Variants in EVC observed in about 807,000 individuals in gnomAD.
EVC encodes the protein evC complex member EVC.
Under a neutral mutation model 118.9 loss-of-function variants are expected in EVC, and 116 were observed. The ratio of observed to expected loss-of-function variants is 0.98; its 90% CI spans 0.84 to 1.14. The LOEUF is 1.14. EVC is among the 50% of genes most tolerant of loss of function. The pLI is 0.00. For synonymous variants in EVC, 619 were observed against 534.7 expected, an observed-to-expected ratio of 1.16 and a Z score of -2.18; for missense variants, 1,401 against 1,246.4, an observed-to-expected ratio of 1.12 and a Z score of -1.87.
chr4:5,816,392 TC>T (rs1717681726), downstream of EVC, among the ~76,000 whole-genome samples: 1 of 152,152 alleles, frequency 6.6e-6, no homozygotes, highest in Admixed American at 6.5e-5. Context: ...AGGCCACACT[TC>T]CTGCAGGGTG....
At position 5,742,120 on chromosome 4, in the gene EVC, G is replaced by C. The variant is rs1478219700; in HGVS notation, c.801+306G>C. Among the ~76,000 whole-genome samples the C allele has an allele frequency of 6.6e-6, 1 of 151,996 alleles. No homozygotes were observed. The highest frequency in any genetic ancestry group is 6.6e-5 in the Admixed American group (1 of 15,260). On this transcript the variant is annotated intron_variant, in intron 6 of 20. Coordinates refer to ENST00000264956, the MANE Select transcript of EVC (RefSeq NM_153717.3). The surrounding 1 kb of genome is among the most constrained non-coding windows in gnomAD (Gnocchi z 5.2). ...TTTTAAAGACATAATTTGTTTATTG[G>C]TTATAGCTATGTATACTACTTTGTA...
Position 5,748,314 on chromosome 4 carries a change from T to G in EVC, c.1098+8T>G. On this transcript the variant is annotated splice_region_variant and intron_variant, in intron 8 of 20. Coordinates refer to ENST00000264956, the MANE Select transcript of EVC (RefSeq NM_153717.3). ...CAGGAGCTGCAGGCTCTGGTAATGC[T>G]GGAGGGGGCGGGAGGGAACATAAAG... is the stretch of plus-strand genomic sequence containing the variant. 1 of 1,613,968 alleles carries G rather than the reference T, an allele frequency of 6.2e-7. No homozygotes were observed. Among genetic ancestry groups the G allele is most frequent in the South Asian group, 1.1e-5 (1 of 91,070 alleles).
intron 12 of EVC, among the ~76,000 whole-genome samples, chr4:5,791,958 A>G (rs1424305168): frequency 1.3e-5 from 2 of 152,152 alleles, no homozygotes; most frequent in Non-Finnish European, 2.9e-5. Context: ...GTGATAACCC[A>G]ATCTGTTCAG....
chr4:5,719,303 C>G lies in EVC; in HGVS notation c.230C>G (p.Ser77Trp). The change falls in exon 2 of 21, where the codon TCG (serine) becomes TGG (tryptophan). Residue 77 changes from serine (S) to tryptophan (W), a missense_variant. Ser to Trp is a radical substitution (Grantham distance 177). Coordinates refer to ENST00000264956, the MANE Select transcript of EVC (RefSeq NM_153717.3). This position sits in a 1 kb window ranked among gnomAD's most constrained non-coding sequence, Gnocchi z 4.7. ...TTGGAGTCTAATGCGCAGACCCCCT[C>G]GGAAACTGGCTCCCCATCAAGGAGG... The part of the protein sequence containing the change: ...KNLESNAQTP[S>W]ETGSPSRRRK... 6.2e-7 allele frequency: 1 copy of G among 1,614,166 alleles called. No homozygotes were observed. The highest frequency in any genetic ancestry group is 8.5e-7 in the Non-Finnish European group (1 of 1,180,040).
In EVC at chr4:5,756,227, A is replaced by G. The variant is rs762317642; in HGVS notation, c.1465-37A>G. On this transcript the variant is annotated intron_variant, in intron 10 of 20. Transcript: ENST00000264956. This position sits in a 1 kb window ranked among gnomAD's most constrained non-coding sequence, Gnocchi z 4.2. ...CTGGAAAAAAAAAAAAAAACCCTGCATGTTTCTACCAGACTCAGCTCTTGT... is the reference window on the plus strand; with the variant it reads ...CTGGAAAAAAAAAAAAAAACCCTGCGTGTTTCTACCAGACTCAGCTCTTGT... 4.0e-6 allele frequency: 6 copies of G among 1,482,364 alleles called. No homozygotes were observed. The Admixed American group carries it at 5.5e-5, about 14-fold the overall frequency. 91.8% of individuals were successfully genotyped at this position (1,482,364 alleles called of 1,614,324 possible).
intron 11 of EVC, among the ~76,000 whole-genome samples, chr4:5,768,313 A>C (rs1733302269): frequency 6.6e-6 from 1 of 152,132 alleles, no homozygotes; most frequent in Non-Finnish European, 1.5e-5. Flanking sequence ...TTCCATGAGG[A>C]AAACAGACTG....
rs146050095 is a variant in EVC at position 5,787,503 on chromosome 4, G to A, written c.1776+3739G>A. Among the ~76,000 whole-genome samples the A allele has an allele frequency of 1.7e-3, 254 of 152,262 alleles. 1 individual carries two copies. Among genetic ancestry groups the A allele is most frequent in the Admixed American group, 1.3e-3 (20 of 15,298 alleles). ...AGACGGAGGAAGGGGCTGTGAGCCC[G>A]GGAATGCAAGTGCCCTCTAGGAACT... On this transcript the variant is annotated intron_variant, in intron 12 of 20. Coordinates refer to ENST00000264956, the MANE Select transcript of EVC (RefSeq NM_153717.3).
chr4:5,737,034 A>C lies in EVC; in HGVS notation c.702+3599A>C, dbSNP rs2151967723. 6.6e-6 allele frequency among the ~76,000 whole-genome samples: 1 copy of C among 152,334 alleles called. No homozygotes were observed. Among genetic ancestry groups the C allele is most frequent in the African/African-American group, 2.4e-5 (1 of 41,588 alleles). ...AGCCAAGTTGTGAATGCAAAGAAAAAGTTCTTGAAGGAAATTAAAAGTGCT... is the reference window on the plus strand; with the variant it reads ...AGCCAAGTTGTGAATGCAAAGAAAACGTTCTTGAAGGAAATTAAAAGTGCT... On this transcript the variant is annotated intron_variant, in intron 5 of 20. Coordinates refer to ENST00000264956, the MANE Select transcript of EVC (RefSeq NM_153717.3). The surrounding 1 kb of genome is among the most constrained non-coding windows in gnomAD (Gnocchi z 5.0).
In EVC at chr4:5,712,936, T is replaced by C. The variant is rs73071953; in HGVS notation, c.174+1382T>C. Among the ~76,000 whole-genome samples the C allele has an allele frequency of 2.7e-3, 413 of 152,334 alleles. 3 individuals carry two copies. The highest frequency in any genetic ancestry group is 9.2e-3 in the African/African-American group (382 of 41,578). On this transcript the variant is annotated intron_variant, in intron 1 of 20. Coordinates refer to ENST00000264956, the MANE Select transcript of EVC (RefSeq NM_153717.3). Reference sequence around the variant, plus strand: ...GGAGGAACTGCCATTATCCCCACTTTACAGTGAGGCAGGGGATGCTCTGCA... The same window carrying C: ...GGAGGAACTGCCATTATCCCCACTTCACAGTGAGGCAGGGGATGCTCTGCA...
At chr4:5,729,070 A>G (rs912468792) in intron 2 of EVC, among the ~76,000 whole-genome samples, 1 of 151,882 alleles carries the variant, frequency 6.6e-6, no homozygotes, top group Non-Finnish European at 1.5e-5. Flanking sequence ...CTGTCTATCC[A>G]TCTGCCCACC....
rs1729326049 is a variant in EVC, at chr4:5,746,155, C to A, written c.939+814C>A. Reference sequence around the variant, plus strand: ...ATCTGGCCAGAGGGCTTGTTTGTGTCTTAAGCCAGCGAGATGGGAGTGTCT... The same window carrying A: ...ATCTGGCCAGAGGGCTTGTTTGTGTATTAAGCCAGCGAGATGGGAGTGTCT... On this transcript the variant is annotated intron_variant, in intron 7 of 20. Coordinates refer to ENST00000264956, the MANE Select transcript of EVC (RefSeq NM_153717.3). This position sits in a 1 kb window ranked among gnomAD's most constrained non-coding sequence, Gnocchi z 5.8. Among the ~76,000 whole-genome samples, 1 of 150,798 alleles carries A rather than the reference C, an allele frequency of 6.6e-6. No homozygotes were observed. The highest frequency in any genetic ancestry group is 2.4e-5 in the African/African-American group (1 of 40,968).
At chr4:5,774,295 T>A (rs1734409788) in intron 11 of EVC, among the ~76,000 whole-genome samples, 1 of 151,672 alleles carries the variant, frequency 6.6e-6, no homozygotes, top group Non-Finnish European at 1.5e-5. Context: ...TTCTCACCTC[T>A]TTTCCCCCAA....
intron 1 of EVC, among the ~76,000 whole-genome samples, chr4:5,718,804 T>A (rs1001922313): frequency 1.6e-4 from 25 of 152,310 alleles, no homozygotes; most frequent in African/African-American, 6.0e-4. Flanking sequence ...TAACTTAAGG[T>A]CACCTAACAT....
chr4:5,737,691 A>G lies in EVC; in HGVS notation c.703-4025A>G, dbSNP rs976019942. Among the ~76,000 whole-genome samples the G allele has an allele frequency of 2.0e-5, 3 of 152,194 alleles. No individual in the cohort carries two copies. Among genetic ancestry groups the G allele is most frequent in the African/African-American group, 7.2e-5 (3 of 41,460 alleles). ...GGATCACAACACAGCTGTTTATAGC[A>G]TAGTTTAAGCCCACTATTGACACCT... On this transcript the variant is annotated intron_variant, in intron 5 of 20. Transcript: ENST00000264956. This position sits in a 1 kb window ranked among gnomAD's most constrained non-coding sequence, Gnocchi z 5.0.
intron 17 of EVC, 60 bp downstream of exon 17, chr4:5,804,901 C>G: frequency 1.4e-6 from 2 of 1,438,846 alleles, no homozygotes; most frequent in Non-Finnish European, 2.0e-6. Context: ...CATGGCATAT[C>G]TCTCTGTGGT....
intron 15 of EVC, among the ~76,000 whole-genome samples, chr4:5,799,022 T>C (rs1200436638): frequency 6.6e-6 from 1 of 152,194 alleles, no homozygotes; most frequent in African/African-American, 2.4e-5. Flanking sequence ...TGTTAGGCCC[T>C]GCGCTGCATC....
At chr4:5,732,149 A>G (rs1001699577) in intron 4 of EVC, among the ~76,000 whole-genome samples, 6 of 147,194 alleles carry the variant, frequency 4.1e-5, no homozygotes, top group African/African-American at 1.5e-4. Context: ...GGAAACACAG[A>G]GAGGCTGCGT....
intron 13 of EVC, among the ~76,000 whole-genome samples, chr4:5,795,513 G>A (rs563136428): frequency 1.1e-4 from 17 of 152,288 alleles, no homozygotes; most frequent in African/African-American, 2.2e-4. Context: ...TTAGCTGGGC[G>A]TGGTGGCAGG....
chr4:5,813,901 T>C lies in EVC; in HGVS notation c.*2864T>C, dbSNP rs1367471679. The C allele has an allele frequency of 6.6e-6, 1 of 152,222 alleles. No individual in the cohort carries two copies. Among genetic ancestry groups the C allele is most frequent in the African/African-American group, 2.4e-5 (1 of 41,446 alleles). The allele number at this position is 152,222 out of a possible 1,614,324, so 9.4% of individuals were successfully genotyped here. A position where few individuals can be genotyped will look rare whatever the true frequency, so the allele number is the denominator to read the frequency against. ...ATGAAGACGCGTGGGCTGTCGGTGC[T>C]TTCATCCGTCACAAACTGGCACCTG... is the stretch of plus-strand genomic sequence containing the variant. On this transcript the variant is annotated 3_prime_UTR_variant, in exon 21 of 21. Coordinates refer to ENST00000264956, the MANE Select transcript of EVC (RefSeq NM_153717.3).
Sources: allele counts gnomAD v4.1 joint callset (sites outside exome capture counted in the v4.1 genomes callset), GRCh38; gene constraint gnomAD v4.1.1; non-coding constraint Gnocchi (gnomAD v3.1); transcripts MANE v1.5; gene names NCBI Gene and HGNC (gene_info 2026-07-23, HGNC 2026-07-21).